CCSER1: variants seen among roughly 807,000 people sequenced by gnomAD.
The protein encoded by CCSER1 is coiled-coil serine rich protein 1.
In CCSER1, 41 loss-of-function variants were observed where a neutral mutation model predicts 82.0. The ratio of observed to expected loss-of-function variants is 0.50; its 90% CI spans 0.39 to 0.65. CCSER1 has a LOEUF of 0.65. Ranked by LOEUF, CCSER1 falls within the 30% of genes least tolerant of loss-of-function variation. The pLI, the probability that CCSER1 is intolerant of heterozygous loss-of-function variation, is 0.00. For missense variants in CCSER1, 1,119 were observed against 1,064.2 expected (o/e 1.05, Z -0.72); for synonymous variants, 414 against 383.9 (o/e 1.08, Z -0.92).
intron 10 of CCSER1, among the ~76,000 whole-genome samples, chr4:91,170,901 A>G (rs912480430): frequency 6.6e-6 from 1 of 152,206 alleles, no homozygotes; most frequent in Non-Finnish European, 1.5e-5. Context: ...TATGATCTTT[A>G]TCTTCCTATG....
intron 1 of CCSER1, among the ~76,000 whole-genome samples, chr4:90,215,975 G>A (rs904315805): frequency 3.3e-5 from 5 of 152,202 alleles, no homozygotes; most frequent in Non-Finnish European, 5.9e-5. Flanking sequence ...CTGTATGTAC[G>A]TGGATAATAT....
intron 9 of CCSER1, among the ~76,000 whole-genome samples, chr4:90,969,876 T>G (rs1186767948): frequency 6.6e-6 from 1 of 151,388 alleles, no homozygotes; most frequent in South Asian, 2.1e-4. Flanking sequence ...AAATAATATG[T>G]TGAAAGTTAT....
At chr4:90,462,371 T>C (rs1188387955) in intron 4 of CCSER1, among the ~76,000 whole-genome samples, 1 of 152,200 alleles carries the variant, frequency 6.6e-6, no homozygotes, top group Non-Finnish European at 1.5e-5. Context: ...AAGGATGGGA[T>C]TTCTATCTTC....
At chr4:90,829,269 AC>A (rs1292312517) in intron 8 of CCSER1, among the ~76,000 whole-genome samples, 1 of 152,172 alleles carries the variant, frequency 6.6e-6, no homozygotes, top group Non-Finnish European at 1.5e-5. Flanking sequence ...CACCAGAAAA[AC>A]ATCTTAGTGA....
chr4:90,774,322 A>G (rs1389013346), intron 7 of CCSER1, among the ~76,000 whole-genome samples: 3 of 151,998 alleles, frequency 2.0e-5, no homozygotes, highest in African/African-American at 7.2e-5. Flanking sequence ...CTTCCTTAGG[A>G]TTGTGACTTG....
chr4:90,464,297 A>T (rs1325993207), intron 4 of CCSER1, among the ~76,000 whole-genome samples: 1 of 152,198 alleles, frequency 6.6e-6, no homozygotes, highest in Non-Finnish European at 1.5e-5. Context: ...TAGTGCTTAG[A>T]ACCAAGTTTT....
At chr4:90,602,012 G>C (rs1406950347) in intron 5 of CCSER1, among the ~76,000 whole-genome samples, 2 of 152,060 alleles carry the variant, frequency 1.3e-5, no homozygotes, top group Admixed American at 6.6e-5. Flanking sequence ...TTAGAGGAAT[G>C]TATTGAACTG....
At chr4:90,770,979 G>T (rs1009484328) in intron 7 of CCSER1, among the ~76,000 whole-genome samples, 3 of 151,944 alleles carry the variant, frequency 2.0e-5, no homozygotes, top group Non-Finnish European at 4.4e-5. Flanking sequence ...TGTTTCACAA[G>T]AAAAAAATTA....
At chr4:90,402,131 T>C (rs1007477147) in intron 4 of CCSER1, among the ~76,000 whole-genome samples, 3 of 152,182 alleles carry the variant, frequency 2.0e-5, no homozygotes, top group Admixed American at 6.5e-5. Flanking sequence ...CATAAAAAGA[T>C]TGTGGGCAAC....
chr4:90,714,949 T>TGGTGATGC (rs75552091), intron 6 of CCSER1, among the ~76,000 whole-genome samples: 20,450 of 151,852 alleles, frequency 0.13, 1,746 homozygotes, highest in Non-Finnish European at 0.19. Flanking sequence ...GTAGTCATTG[T>TGGTGATGC]GGTGATGCTC....
At chr4:90,272,281 CA>C (rs1726683577) in intron 1 of CCSER1, among the ~76,000 whole-genome samples, 1 of 152,054 alleles carries the variant, frequency 6.6e-6, no homozygotes, top group African/African-American at 2.4e-5. Flanking sequence ...TCAAGACATG[CA>C]AATGGCAAAC....
intron 8 of CCSER1, among the ~76,000 whole-genome samples, chr4:90,872,512 C>G (rs1766665883): frequency 6.6e-6 from 1 of 151,872 alleles, no homozygotes; most frequent in Non-Finnish European, 1.5e-5. Context: ...TATACTGTAA[C>G]TTCATTCCAT....
chr4:91,177,605 G>C (rs753610455), intron 10 of CCSER1, among the ~76,000 whole-genome samples: 1 of 152,074 alleles, frequency 6.6e-6, no homozygotes, highest in African/African-American at 2.4e-5. Flanking sequence ...GTTTATTTAC[G>C]TAGAGGTGTT....
intron 10 of CCSER1, among the ~76,000 whole-genome samples, chr4:91,143,259 T>A (rs1483294422): frequency 1.3e-5 from 2 of 151,968 alleles, no homozygotes; most frequent in East Asian, 1.9e-4. Context: ...ATTTGATTTT[T>A]TTTTTTTATT....
chr4:90,549,901 T>C (rs1777241560), intron 5 of CCSER1, among the ~76,000 whole-genome samples: 2 of 151,594 alleles, frequency 1.3e-5, no homozygotes, highest in African/African-American at 4.9e-5. Context: ...ATTTAAACAA[T>C]TATATTGAAT....
At chr4:91,154,975 A>T (rs369048257) in intron 10 of CCSER1, among the ~76,000 whole-genome samples, 5 of 151,900 alleles carry the variant, frequency 3.3e-5, no homozygotes, top group African/African-American at 1.2e-4. Context: ...ATTCAATCTC[A>T]AGCAATTTTC....
chr4:90,582,148 A>C (rs1001233349), intron 5 of CCSER1, among the ~76,000 whole-genome samples: 2 of 152,278 alleles, frequency 1.3e-5, no homozygotes, highest in African/African-American at 4.8e-5. Flanking sequence ...CAAGAGCAAA[A>C]ATAAGCACTC....
At chr4:90,156,815 G>T (rs1257955259) in intron 1 of CCSER1, among the ~76,000 whole-genome samples, 2 of 152,240 alleles carry the variant, frequency 1.3e-5, no homozygotes, top group East Asian at 3.9e-4. Context: ...GATGGGTCTT[G>T]ACTCTTTATC....
intron 9 of CCSER1, among the ~76,000 whole-genome samples, chr4:90,960,590 G>GT: frequency 6.6e-6 from 1 of 152,094 alleles, no homozygotes; most frequent in East Asian, 1.9e-4. Context: ...AGATTTAGTT[G>GT]TATCTTCTTC....
Sources: allele counts gnomAD v4.1 joint callset (sites outside exome capture counted in the v4.1 genomes callset), GRCh38; gene constraint gnomAD v4.1.1; transcripts MANE v1.5; gene names NCBI Gene and HGNC (gene_info 2026-07-23, HGNC 2026-07-21).